RBBP8: variants seen among roughly 807,000 people sequenced by gnomAD.
RBBP8 encodes the protein DNA endonuclease RBBP8.
RBBP8 carries 88 observed loss-of-function variants against 108.3 expected under a neutral mutation model. The ratio of observed to expected loss-of-function variants is 0.81; its 90% CI spans 0.68 to 0.97. The LOEUF is 0.97. RBBP8 is among the 50% of genes least tolerant of loss of function. RBBP8 has a pLI of 0.00. For synonymous variants in RBBP8, 332 were observed against 348.2 expected (o/e 0.95, Z 0.52); for missense variants, 1,023 against 1,049.0 (o/e 0.98, Z 0.34).
intron 6 of RBBP8, among the ~76,000 whole-genome samples, chr18:22,976,234 C>T (rs748379098): frequency 5.9e-5 from 9 of 152,074 alleles, no homozygotes; most frequent in Non-Finnish European, 7.4e-5. Context: ...GATTGGTCTA[C>T]TGAATACTGA....
chr18:22,983,319 G>C (rs1240699768), intron 7 of RBBP8, among the ~76,000 whole-genome samples: 1 of 152,170 alleles, frequency 6.6e-6, no homozygotes, highest in Non-Finnish European at 1.5e-5. Context: ...CAGTAAATAT[G>C]CCTTTAAACA....
rs377320407 is a variant in RBBP8 at position 22,993,645 on chromosome 18, T to A, written c.1812+6T>A. 3.1e-5 allele frequency: 50 copies of A among 1,614,160 alleles called. No homozygotes were observed. In the African/African-American group the frequency reaches 5.7e-4, roughly 19 times the overall value. ...ATGTTTTAGATGACATAAAGGTTTG[T>A]GTTAAATGTTCAAGGATTTTGATTA... On this transcript the variant is annotated splice_donor_region_variant and intron_variant, in intron 11 of 18. Coordinates refer to ENST00000327155, the MANE Select transcript of RBBP8 (RefSeq NM_002894.3).
chr18:22,984,780 A>G, intron 7 of RBBP8, 106 bp from the exon 8 acceptor site: 1 of 634,478 alleles, frequency 1.6e-6, no homozygotes, highest in Non-Finnish European at 2.7e-6. Flanking sequence ...GGATTTAAAT[A>G]CAGATAATAC....
intron 7 of RBBP8, 146 bp from the exon 8 acceptor site, chr18:22,984,740 T>C: frequency 3.9e-6 from 2 of 509,404 alleles, no homozygotes; most frequent in East Asian, 3.6e-5. Flanking sequence ...TAGAATATGA[T>C]AATTATGTCA....
intron 6 of RBBP8, among the ~76,000 whole-genome samples, chr18:22,980,497 G>C (rs1251414887): frequency 1.3e-5 from 2 of 152,124 alleles, no homozygotes; most frequent in African/African-American, 4.8e-5. Flanking sequence ...CCTAAGGTGG[G>C]AGTATGCTTG....
At chr18:23,014,575 G>A (rs1356418448) in intron 16 of RBBP8, among the ~76,000 whole-genome samples, 9 of 152,168 alleles carry the variant, frequency 5.9e-5, no homozygotes, top group Non-Finnish European at 1.3e-4. Flanking sequence ...TCAGGCTGCA[G>A]TAAGCTATGC....
intron 4 of RBBP8, among the ~76,000 whole-genome samples, chr18:22,964,472 C>G (rs1052828787): frequency 1.3e-5 from 2 of 149,830 alleles, no homozygotes; most frequent in African/African-American, 4.9e-5. Flanking sequence ...TCCTGCGTTT[C>G]CTTGCTTTTC....
intron 1 of RBBP8, chr18:22,933,953 C>G (rs1261570577): frequency 6.6e-6 from 1 of 152,518 alleles, no homozygotes; most frequent in Non-Finnish European, 1.5e-5. Context: ...TGCCCCGCTG[C>G]TCTGCTCCGC....
chr18:22,981,599 G>A (rs1472888878), intron 6 of RBBP8, among the ~76,000 whole-genome samples: 2 of 152,152 alleles, frequency 1.3e-5, no homozygotes, highest in Non-Finnish European at 2.9e-5. Flanking sequence ...TGTTATCATT[G>A]TTAGTGTTCT....
At chr18:23,005,679 C>G (rs1321628569) in intron 15 of RBBP8, among the ~76,000 whole-genome samples, 1 of 152,026 alleles carries the variant, frequency 6.6e-6, no homozygotes, top group Non-Finnish European at 1.5e-5. Flanking sequence ...TCCCAAAGTG[C>G]TGAGATTACA....
chr18:22,941,652 C>G (rs553702377), intron 2 of RBBP8, among the ~76,000 whole-genome samples: 3 of 151,916 alleles, frequency 2.0e-5, no homozygotes, highest in Non-Finnish European at 4.4e-5. Flanking sequence ...ATATATAAAG[C>G]TTGCAAATAT....
At position 23,016,854 on chromosome 18, in the gene RBBP8, A is replaced by T; in HGVS notation, c.2384A>T (p.His795Leu). 4.3e-6 allele frequency: 7 copies of T among 1,613,862 alleles called. No individual in the cohort carries two copies. The highest frequency in any genetic ancestry group is 5.9e-6 in the Non-Finnish European group (7 of 1,179,886). ...GAGACTAGCTTGCAAAATTTTCCTC[A>T]TATTGAGGTGGTTCGGAAAAAAGAG... ...ERETSLQNFP[H>L]IEVVRKKEER... The change falls in exon 17 of 19, where the codon CAT (histidine) becomes CTT (leucine). Residue 795 changes from histidine (H) to leucine (L), a missense_variant. Coordinates refer to ENST00000327155, the MANE Select transcript of RBBP8 (RefSeq NM_002894.3).
At chr18:22,958,835 C>G (rs1412560903) in intron 4 of RBBP8, among the ~76,000 whole-genome samples, 1 of 152,212 alleles carries the variant, frequency 6.6e-6, no homozygotes, top group Non-Finnish European at 1.5e-5. Context: ...AGCCACTGTG[C>G]TCAGCCAGTT....
chr18:22,981,050 G>T (rs1598700546), intron 6 of RBBP8, among the ~76,000 whole-genome samples: 4 of 62,002 alleles, frequency 6.5e-5, no homozygotes. Context: ...TCAGCTCACT[G>T]CAAGCTCCGA....
intron 18 of RBBP8, among the ~76,000 whole-genome samples, chr18:23,024,240 T>C (rs1255550913): frequency 6.6e-6 from 1 of 152,054 alleles, no homozygotes. Context: ...ATTCTTAGAC[T>C]TTTTTTGTAT....
At chr18:22,956,413 C>T (rs1598660622) in intron 4 of RBBP8, among the ~76,000 whole-genome samples, 2 of 152,098 alleles carry the variant, frequency 1.3e-5, no homozygotes, top group African/African-American at 2.4e-5. Flanking sequence ...TAGCTCATTA[C>T]AGCCTCAAAT....
intron 14 of RBBP8, among the ~76,000 whole-genome samples, chr18:22,998,220 G>A (rs1028229559): frequency 1.3e-5 from 2 of 152,094 alleles, no homozygotes; most frequent in African/African-American, 2.4e-5. Flanking sequence ...TAGAATTAAC[G>A]TTTTCTAAAG....
intron 16 of RBBP8, among the ~76,000 whole-genome samples, chr18:23,016,227 C>T (rs779389948): frequency 1.3e-4 from 20 of 152,048 alleles, no homozygotes; most frequent in Non-Finnish European, 2.4e-4. Context: ...TGGTTTCAGA[C>T]TAATTTTAGG....
chr18:22,994,728 T>C (rs1283319113), intron 12 of RBBP8, among the ~76,000 whole-genome samples: 1 of 151,716 alleles, frequency 6.6e-6, no homozygotes, highest in African/African-American at 2.4e-5. Flanking sequence ...TTATTATTAT[T>C]ATTATTATTA....
Sources: gnomAD v4.1 joint callset for allele counts (sites outside exome capture counted in the v4.1 genomes callset) on GRCh38, gnomAD v4.1.1 for gene constraint, MANE v1.5 for transcripts, NCBI Gene and HGNC (gene_info 2026-07-23, HGNC 2026-07-21) for gene names.